The following KIF23 variants were observed in gnomAD, a reference collection of about 807,000 sequenced individuals.
The protein encoded by KIF23 is kinesin family member 23.
In KIF23, 30 loss-of-function variants were observed where a neutral mutation model predicts 137.5. The ratio of observed to expected loss-of-function variants is 0.22; its 90% CI spans 0.16 to 0.30. The LOEUF is 0.30. Ranked by LOEUF, KIF23 falls within the 10% of genes least tolerant of loss-of-function variation. KIF23 has a pLI of 1.00. For missense variants in KIF23, 920 were observed against 1,194.3 expected (o/e 0.77, Z 3.38); for synonymous variants, 367 against 391.1 (o/e 0.94, Z 0.73).
intron 10 of KIF23, chr15:69,427,310 C>G: frequency 2.3e-6 from 1 of 438,958 alleles, no homozygotes; most frequent in Non-Finnish European, 4.6e-6. Context: ...TCGAGGACAC[C>G]AAGGGATGAC....
At chr15:69,416,658 A>G (rs1167078701) in intron 2 of KIF23, among the ~76,000 whole-genome samples, 1 of 152,182 alleles carries the variant, frequency 6.6e-6, no homozygotes, top group Non-Finnish European at 1.5e-5. Context: ...CCCTGCTTTC[A>G]AAAATGTCTC....
Position 69,435,530 on chromosome 15 carries a change from C to T in KIF23, c.1162C>T (p.Leu388=), listed in dbSNP as rs1567071689. The change falls in exon 12 of 24, where the codon CTA becomes TTA. Residue 388 remains leucine, a synonymous_variant. Transcript: ENST00000679126. The part of the protein sequence containing the change: ...LMTLRTCMDV[L]RENQMYGTNK... ...GACGCTAAGAACATGTATGGATGTC[C>T]TAAGAGAGAACCAAATGTATGGAAC... 6.2e-7 allele frequency: 1 copy of T among 1,614,004 alleles called. No homozygotes were observed. The highest frequency in any genetic ancestry group is 1.1e-5 in the South Asian group (1 of 91,070).
Position 69,441,001 on chromosome 15 carries a change from G to C in KIF23, c.2343G>C (p.Gly781=), listed in dbSNP as rs2057605516. The change falls in exon 19 of 24, where the codon GGG becomes GGC. Residue 781 remains glycine (G), a synonymous_variant. Coordinates refer to ENST00000679126, the MANE Select transcript of KIF23 (RefSeq NM_001367805.3). Reference sequence around the variant, plus strand: ...GTATCGTGTCAGACAGAAGGCGAGGGATGTACTGGACTGAAGGCAGGGAGG... The same window carrying C: ...GTATCGTGTCAGACAGAAGGCGAGGCATGTACTGGACTGAAGGCAGGGAGG... ...KTCIVSDRRR[G]MYWTEGREVV... is the part of the protein sequence containing the mutation. 1 of 1,614,212 alleles carries C rather than the reference G, an allele frequency of 6.2e-7. No homozygotes were observed. Among genetic ancestry groups the C allele is most frequent in the African/African-American group, 1.3e-5 (1 of 75,054 alleles).
At chr15:69,416,108 T>C (rs372224314) in intron 2 of KIF23, 45 bp downstream of exon 2, 117 of 1,252,556 alleles carry the variant, frequency 9.3e-5, no homozygotes, top group Non-Finnish European at 1.3e-4. Context: ...AAGAAACTTA[T>C]CTCTTCAGTC....
intron 3 of KIF23, 94 bp downstream of exon 3, chr15:69,417,605 C>A: frequency 7.4e-7 from 1 of 1,356,130 alleles, no homozygotes; most frequent in South Asian, 1.4e-5. Flanking sequence ...ATTTGTGAGC[C>A]CACATTTTCA....
At position 69,429,190 on chromosome 15, in the gene KIF23, A is replaced by G; in HGVS notation, c.1091A>G (p.Glu364Gly). The change falls in exon 11 of 24, where the codon GAA (glutamate) becomes GGA (glycine). Residue 364 changes from glutamate to glycine, a missense_variant. This residue lies in a region of KIF23 where 714 missense variants were observed against 866.2 expected (regional missense o/e 0.82). Coordinates refer to ENST00000679126, the MANE Select transcript of KIF23 (RefSeq NM_001367805.3). ...GSERTNRTRA[E>G]GNRLREAGNI... is the part of the protein sequence containing the mutation. Reference sequence around the variant, plus strand: ...GAAAGAACTAACCGGACCAGAGCAGAAGGGAACAGATTACGTGAAGCTGGT... The same window carrying G: ...GAAAGAACTAACCGGACCAGAGCAGGAGGGAACAGATTACGTGAAGCTGGT... 1 of 1,612,640 alleles carries G rather than the reference A, an allele frequency of 6.2e-7. No homozygotes were observed. The highest frequency in any genetic ancestry group is 8.5e-7 in the Non-Finnish European group (1 of 1,178,910).
intron 11 of KIF23, among the ~76,000 whole-genome samples, chr15:69,433,072 A>G (rs1274784882): frequency 1.3e-5 from 2 of 152,180 alleles, no homozygotes; most frequent in Non-Finnish European, 2.9e-5. Context: ...AAAGCTATCA[A>G]TGGATTATTT....
Position 69,444,546 on chromosome 15 carries a change from C to T in KIF23, c.2422-244C>T, listed in dbSNP as rs560712101. ...AAGCAGGAAAGACTTGCAGCATTAC[C>T]AGAATTTTTTCTTTTATCCTTTATT... On this transcript the variant is annotated intron_variant, in intron 19 of 23. Transcript: ENST00000679126. This position sits in a 1 kb window ranked among gnomAD's most constrained non-coding sequence, Gnocchi z 4.2. 6.4e-5 allele frequency: 29 copies of T among 451,066 alleles called. No individual in the cohort carries two copies. Among genetic ancestry groups the T allele is most frequent in the African/African-American group, 5.2e-4 (26 of 49,938 alleles). The allele number at this position is 451,066 out of a possible 1,614,324, so 27.9% of individuals were successfully genotyped here.
intron 3 of KIF23, among the ~76,000 whole-genome samples, 170 bp downstream of exon 3, chr15:69,417,681 C>G (rs967221873): frequency 6.6e-6 from 1 of 152,202 alleles, no homozygotes; most frequent in Non-Finnish European, 1.5e-5. Context: ...GATGCACAGA[C>G]ATACCTTTGG....
At chr15:69,438,990 C>T (rs562749574) in intron 16 of KIF23, among the ~76,000 whole-genome samples, 2 of 151,440 alleles carry the variant, frequency 1.3e-5, no homozygotes, top group South Asian at 4.2e-4. Context: ...CCCAGCTACT[C>T]GGAAGGCTGA....
intron 20 of KIF23, 124 bp downstream of exon 20, chr15:69,445,165 A>G (rs913270981): frequency 5.2e-6 from 5 of 962,418 alleles, no homozygotes; most frequent in East Asian, 5.3e-5. Flanking sequence ...GGTATTTGAT[A>G]TAACCTTTTT....
chr15:69,439,950 G>A lies in KIF23; in HGVS notation c.1802G>A (p.Arg601His), dbSNP rs771100209. ...ACTACTATCTATGAGGAAGATAAAC[G>A]CAATTTGCAACAGGAACTTGAAACT... ...KTTTIYEEDK[R>H]NLQQELETQN... The change falls in exon 17 of 24, where the codon CGC (arginine) becomes CAC (histidine). Residue 601 changes from arginine to histidine, a missense_variant. Coordinates refer to ENST00000679126, the MANE Select transcript of KIF23 (RefSeq NM_001367805.3). 5.6e-6 allele frequency: 9 copies of A among 1,613,828 alleles called. No homozygotes were observed. The highest frequency in any genetic ancestry group is 2.2e-5 in the East Asian group (1 of 44,864).
chr15:69,443,188 T>C (rs1332118324), intron 19 of KIF23, among the ~76,000 whole-genome samples: 2 of 152,142 alleles, frequency 1.3e-5, no homozygotes, highest in African/African-American at 2.4e-5. Context: ...GCTGCATTTG[T>C]TTCTTGTTAA....
chr15:69,443,841 G>A (rs759058935), intron 19 of KIF23: 3 of 152,014 alleles, frequency 2.0e-5, no homozygotes, highest in Non-Finnish European at 4.4e-5. Context: ...GTGCAGTGGT[G>A]CGATCTTGGC....
At chr15:69,428,455 G>A (rs1329719740) in intron 10 of KIF23, among the ~76,000 whole-genome samples, 4 of 151,304 alleles carry the variant, frequency 2.6e-5, no homozygotes, top group Admixed American at 6.6e-5. Flanking sequence ...TCAGGAGTTC[G>A]AGACCAGCCT....
rs997135502 is a variant in KIF23 at position 69,432,313 on chromosome 15, G to A, written c.1114+3100G>A. On this transcript the variant is annotated intron_variant, in intron 11 of 23. Coordinates refer to ENST00000679126, the MANE Select transcript of KIF23 (RefSeq NM_001367805.3). Reference sequence around the variant, plus strand: ...AGGGATAGGGTTTGGGCTGTCAGCTGTAATGGAATAGAGATAAAGATTTAC... The same window carrying A: ...AGGGATAGGGTTTGGGCTGTCAGCTATAATGGAATAGAGATAAAGATTTAC... Among the ~76,000 whole-genome samples, 4 of 152,172 alleles carry A rather than the reference G, an allele frequency of 2.6e-5. No homozygotes were observed. In the South Asian group the frequency reaches 8.3e-4, roughly 32 times the overall value.
rs146887241 is a variant in KIF23 at position 69,439,557 on chromosome 15, G to A, written c.1756-347G>A. On this transcript the variant is annotated intron_variant, in intron 16 of 23. Transcript: ENST00000679126. ...TCTCTCATTTACAGAGGGTCATTTA[G>A]AGGTTTGGTGGGGGTACACATTCAT... Among the ~76,000 whole-genome samples, 393 of 152,332 alleles carry A rather than the reference G, an allele frequency of 2.6e-3. 2 individuals are homozygous for A. The highest frequency in any genetic ancestry group is 7.1e-3 in the African/African-American group (295 of 41,580).
intron 7 of KIF23, among the ~76,000 whole-genome samples, chr15:69,424,132 A>C (rs568663310): frequency 1.7e-4 from 26 of 152,318 alleles, no homozygotes; most frequent in African/African-American, 5.5e-4. Context: ...CTGAGAATAC[A>C]TACCAGTATA....
At position 69,426,432 on chromosome 15, in the gene KIF23, A is replaced by G; in HGVS notation, c.986A>G (p.Asp329Gly). ...FNIKLVQAPL[D>G]ADGDNVLQEK... Reference sequence around the variant, plus strand: ...ATTAAATTAGTTCAGGCTCCCTTGGATGCAGATGGAGACAATGTCTTACAG... The same window carrying G: ...ATTAAATTAGTTCAGGCTCCCTTGGGTGCAGATGGAGACAATGTCTTACAG... The change falls in exon 10 of 24, where the codon GAT (aspartate) becomes GGT (glycine). Residue 329 changes from aspartate to glycine, a missense_variant. By Grantham distance (94) the Asp-to-Gly change is moderately conservative. Transcript: ENST00000679126. 1.9e-6 allele frequency: 3 copies of G among 1,614,178 alleles called. No individual in the cohort carries two copies. The South Asian group carries it at 3.3e-5, about 18-fold the overall frequency.
Sources: gnomAD v4.1 joint callset for allele counts (sites outside exome capture counted in the v4.1 genomes callset) on GRCh38, gnomAD v4.1.1 for gene constraint, gnomAD v4.1.1 regional missense constraint, Gnocchi (gnomAD v3.1) non-coding constraint, MANE v1.5 for transcripts, NCBI Gene and HGNC (gene_info 2026-07-23, HGNC 2026-07-21) for gene names.